LPP: variants seen among roughly 807,000 people sequenced by gnomAD.
The protein encoded by LPP is LIM domain containing preferred translocation partner in lipoma, also known as lipoma-preferred partner.
LPP carries 38 observed loss-of-function variants against 60.4 expected under a neutral mutation model. The ratio of observed to expected loss-of-function variants is 0.63; its 90% CI spans 0.49 to 0.83. LPP has a LOEUF of 0.83. Ranked by LOEUF, LPP falls within the 40% of genes least tolerant of loss-of-function variation. The pLI, the probability that LPP is intolerant of heterozygous loss-of-function variation, is 0.00. For synonymous variants in LPP, 328 were observed against 290.8 expected, an observed-to-expected ratio of 1.13 and a Z score of -1.30; for missense variants, 902 against 783.6, an observed-to-expected ratio of 1.15 and a Z score of -1.80.
intron 4 of LPP, among the ~76,000 whole-genome samples, chr3:188,412,775 A>G (rs1443707549): frequency 6.6e-6 from 1 of 152,290 alleles, no homozygotes; most frequent in East Asian, 1.9e-4. Flanking sequence ...AAGATAGATC[A>G]AGATAGGTGA....
chr3:188,441,825 C>T (rs1413264834), intron 4 of LPP, among the ~76,000 whole-genome samples: 8 of 151,336 alleles, frequency 5.3e-5, no homozygotes, highest in Non-Finnish European at 8.8e-5. Context: ...GGGGTTTCAC[C>T]GTGTTAGCCA....
Position 188,238,934 on chromosome 3 carries a change from A to G in LPP, c.-67+13407A>G, listed in dbSNP as rs555695510. Among the ~76,000 whole-genome samples the G allele has an allele frequency of 7.0e-4, 107 of 152,366 alleles. 1 individual carries two copies. The highest frequency in any genetic ancestry group is 2.5e-3 in the African/African-American group (104 of 41,592). On this transcript the variant is annotated intron_variant, in intron 2 of 11. Transcript: ENST00000617246. ...GCCAACTACAATAAAGTGAAGTGCA[A>G]TAAAACAAGATATGCCTTTATTAGT...
At chr3:188,636,756 C>T (rs528708661) in intron 7 of LPP, among the ~76,000 whole-genome samples, 141 of 151,984 alleles carry the variant, frequency 9.3e-4, no homozygotes, top group African/African-American at 3.3e-3. Flanking sequence ...GACCCCTGAC[C>T]CCCGAGCAGC....
chr3:188,374,653 C>G (rs1774384544), intron 3 of LPP, among the ~76,000 whole-genome samples: 1 of 152,152 alleles, frequency 6.6e-6, no homozygotes, highest in African/African-American at 2.4e-5. Flanking sequence ...CGTCTGCAAA[C>G]AGGGCCAATT....
At chr3:188,664,253 G>A (rs560196564) in intron 7 of LPP, among the ~76,000 whole-genome samples, 15 of 152,198 alleles carry the variant, frequency 9.9e-5, no homozygotes, top group African/African-American at 3.4e-4. Context: ...TCATATTAAT[G>A]TTATTCACCC....
intron 5 of LPP, among the ~76,000 whole-genome samples, chr3:188,486,795 C>T (rs1458742021): frequency 6.6e-6 from 1 of 151,978 alleles, no homozygotes; most frequent in East Asian, 1.9e-4. Context: ...TATCAGATGC[C>T]AGTGATGAAT....
chr3:188,730,249 T>C (rs1340194499), intron 8 of LPP, among the ~76,000 whole-genome samples: 1 of 152,240 alleles, frequency 6.6e-6, no homozygotes, highest in Non-Finnish European at 1.5e-5. Flanking sequence ...GAAAGGACCT[T>C]GGAAATCATC....
intron 9 of LPP, among the ~76,000 whole-genome samples, chr3:188,854,376 C>G (rs187552822): frequency 1.3e-5 from 2 of 152,310 alleles, no homozygotes; most frequent in Non-Finnish European, 2.9e-5. Flanking sequence ...TTGAGCTCCT[C>G]ATGAGGTTTA....
At chr3:188,534,207 G>A (rs765896888) in intron 6 of LPP, among the ~76,000 whole-genome samples, 1 of 152,224 alleles carries the variant, frequency 6.6e-6, no homozygotes, top group African/African-American at 2.4e-5. Context: ...GGAGGGGGTT[G>A]TCTTCTGTGG....
At chr3:188,691,326 T>A (rs774451699) in intron 7 of LPP, among the ~76,000 whole-genome samples, 1 of 152,244 alleles carries the variant, frequency 6.6e-6, no homozygotes, top group Non-Finnish European at 1.5e-5. Flanking sequence ...AATCCAGGCT[T>A]CAGTGCCTTG....
At chr3:188,853,432 G>A (rs1375372917) in intron 9 of LPP, among the ~76,000 whole-genome samples, 8 of 152,014 alleles carry the variant, frequency 5.3e-5, no homozygotes, top group African/African-American at 1.7e-4. Flanking sequence ...CATATCATGG[G>A]CCATATAATT....
At chr3:188,728,967 G>A (rs148511426) in intron 8 of LPP, among the ~76,000 whole-genome samples, 199 of 152,018 alleles carry the variant, frequency 1.3e-3, no homozygotes, top group African/African-American at 4.6e-3. Flanking sequence ...AAAAATATAT[G>A]ATAATCCCTT....
chr3:188,555,105 T>C (rs1829154614), intron 6 of LPP, among the ~76,000 whole-genome samples: 1 of 152,000 alleles, frequency 6.6e-6, no homozygotes, highest in Admixed American at 6.6e-5. Context: ...CTGCAGATAT[T>C]TGGGATAAGC....
At chr3:188,792,022 C>T (rs1195305406) in intron 9 of LPP, among the ~76,000 whole-genome samples, 1 of 152,056 alleles carries the variant, frequency 6.6e-6, no homozygotes, top group South Asian at 2.1e-4. Flanking sequence ...ACAACACAGA[C>T]CCTAAGGTCT....
intron 4 of LPP, among the ~76,000 whole-genome samples, chr3:188,463,888 A>G (rs998900720): frequency 2.0e-5 from 3 of 152,188 alleles, no homozygotes; most frequent in Non-Finnish European, 2.9e-5. Flanking sequence ...CTAAGCATTC[A>G]TGGCAGAGCC....
At chr3:188,549,733 C>T (rs77485082) in intron 6 of LPP, among the ~76,000 whole-genome samples, 3,483 of 152,296 alleles carry the variant, frequency 0.023, 137 homozygotes, top group African/African-American at 0.08. Flanking sequence ...TCATTTCCCT[C>T]TTCACATGGC....
At chr3:188,796,957 A>G (rs1745545079) in intron 9 of LPP, among the ~76,000 whole-genome samples, 1 of 152,072 alleles carries the variant, frequency 6.6e-6, no homozygotes, top group African/African-American at 2.4e-5. Flanking sequence ...TGCCCCCTAA[A>G]ATGACCTATC....
rs1717730513 is a variant in LPP, at chr3:188,226,281, T to C, written c.-67+754T>C. Among the ~76,000 whole-genome samples the C allele has an allele frequency of 2.0e-5, 3 of 152,098 alleles. No homozygotes were observed. In the South Asian group the frequency reaches 6.2e-4, roughly 32 times the overall value. ...GCCTCAGCCTCCCAAATTGCTGGGATTATAGGTGTGAGCCACTGCGCCCAG... is the reference window on the plus strand; with the variant it reads ...GCCTCAGCCTCCCAAATTGCTGGGACTATAGGTGTGAGCCACTGCGCCCAG... On this transcript the variant is annotated intron_variant, in intron 2 of 11. Coordinates refer to ENST00000617246, the MANE Select transcript of LPP (RefSeq NM_001375462.1).
intron 5 of LPP, among the ~76,000 whole-genome samples, chr3:188,488,839 A>C (rs142112111): frequency 1.4e-4 from 22 of 151,982 alleles, no homozygotes; most frequent in Non-Finnish European, 2.6e-4. Flanking sequence ...GGGTTTCACT[A>C]TATTGGCCAG....
Sources: gnomAD v4.1 joint callset for allele counts (sites outside exome capture counted in the v4.1 genomes callset) on GRCh38, gnomAD v4.1.1 for gene constraint, MANE v1.5 for transcripts, NCBI Gene and HGNC (gene_info 2026-07-23, HGNC 2026-07-21) for gene names.